The following SLX4IP variants were observed in gnomAD, a reference collection of about 807,000 sequenced individuals.
SLX4IP encodes protein SLX4IP.
A neutral mutation model predicts 32.9 loss-of-function variants in SLX4IP; 34 were observed. The observed-to-expected ratio is 1.03, with a 90% CI of 0.79 to 1.38. The LOEUF (loss-of-function observed/expected upper bound fraction) is 1.38. Ranked by LOEUF, SLX4IP falls within the 40% of genes most tolerant of loss-of-function variation. The probability of loss-of-function intolerance (pLI) is 0.00; values close to 1 mark genes in which losing one functional copy is unlikely to be tolerated. For synonymous variants in SLX4IP, 172 were observed against 171.7 expected (o/e 1.00, Z -0.01); for missense variants, 444 against 479.0 (o/e 0.93, Z 0.68).
At chr20:10,561,014 T>C (rs919226120) in intron 4 of SLX4IP, among the ~76,000 whole-genome samples, 194 bp downstream of exon 4, 4 of 152,182 alleles carry the variant, frequency 2.6e-5, no homozygotes, top group Non-Finnish European at 5.9e-5. Flanking sequence ...GTAGGCAAAA[T>C]GTATAAAAAT....
chr20:10,479,918 C>A (rs1279012260), intron 2 of SLX4IP, among the ~76,000 whole-genome samples: 4 of 151,878 alleles, frequency 2.6e-5, no homozygotes, highest in Admixed American at 6.5e-5. Context: ...GCAGGAGAAT[C>A]CCTTGAACCA....
intron 4 of SLX4IP, among the ~76,000 whole-genome samples, chr20:10,568,716 A>G (rs980331943): frequency 6.6e-6 from 1 of 152,228 alleles, no homozygotes; most frequent in African/African-American, 2.4e-5. Context: ...CCTAGCCCAT[A>G]ATTACTGTAA....
At position 10,583,488 on chromosome 20, in the gene SLX4IP, A is replaced by G. The variant is rs1451682524; in HGVS notation, c.239-15187A>G. On this transcript the variant is annotated intron_variant, in intron 4 of 7. Transcript: ENST00000334534. ...TTTTTTCTATCTGTTTATTTAAGAA[A>G]GCGGGTCAAATGTCCTCTGGAATTT... Among the ~76,000 whole-genome samples the G allele has an allele frequency of 2.6e-5, 4 of 152,294 alleles. No individual in the cohort carries two copies. In the East Asian group the frequency reaches 7.7e-4, roughly 29 times the overall value.
chr20:10,531,390 A>G (rs1001748079), intron 2 of SLX4IP, among the ~76,000 whole-genome samples: 1 of 152,172 alleles, frequency 6.6e-6, no homozygotes, highest in African/African-American at 2.4e-5. Flanking sequence ...CTATGGTCTT[A>G]TTTGTCTTTG....
At chr20:10,436,938 TTG>T (rs1300253057) in intron 1 of SLX4IP, among the ~76,000 whole-genome samples, 1 of 151,852 alleles carries the variant, frequency 6.6e-6, no homozygotes, top group Non-Finnish European at 1.5e-5. Context: ...TTTTTAAAAG[TTG>T]TTTACTGTGC....
intron 2 of SLX4IP, among the ~76,000 whole-genome samples, chr20:10,540,916 C>T (rs1410964806): frequency 1.3e-5 from 2 of 152,180 alleles, no homozygotes; most frequent in Non-Finnish European, 1.5e-5. Context: ...TCCCTTTGAA[C>T]TCTTACTCAT....
At chr20:10,467,473 T>A (rs1030105160) in intron 2 of SLX4IP, among the ~76,000 whole-genome samples, 4 of 152,218 alleles carry the variant, frequency 2.6e-5, no homozygotes, top group African/African-American at 7.2e-5. Flanking sequence ...TACCTCTATA[T>A]TTCTTCTCCT....
intron 4 of SLX4IP, among the ~76,000 whole-genome samples, chr20:10,587,964 G>A (rs2066664107): frequency 6.6e-6 from 1 of 151,978 alleles, no homozygotes; most frequent in Non-Finnish European, 1.5e-5. Flanking sequence ...GACCCCAAAA[G>A]ACAGGTAACA....
At position 10,613,506 on chromosome 20, in the gene SLX4IP, A is replaced by G; in HGVS notation, c.406-7808A>G. 6.8e-6 allele frequency: 11 copies of G among 1,607,002 alleles called. 1 individual carries two copies. The highest frequency in any genetic ancestry group is 6.6e-5 in the South Asian group (6 of 90,882). On this transcript the variant is annotated intron_variant, in intron 6 of 7. Coordinates refer to ENST00000334534, the MANE Select transcript of SLX4IP (RefSeq NM_001009608.3). The stretch of plus-strand genomic sequence containing the variant: ...GGAAGATTTGCAGTACTTTGCTTCC[A>G]TCTGAGCCAGAAAATTGTCCATTTC...
intron 1 of SLX4IP, among the ~76,000 whole-genome samples, chr20:10,453,424 T>C (rs1269447182): frequency 6.6e-6 from 1 of 152,068 alleles, no homozygotes; most frequent in Non-Finnish European, 1.5e-5. Context: ...CATGGAGGCC[T>C]CCTTTCACCA....
intron 5 of SLX4IP, 110 bp from the exon 6 acceptor site, chr20:10,601,621 A>C: frequency 2.5e-6 from 2 of 807,626 alleles, no homozygotes; most frequent in Admixed American, 4.3e-5. Flanking sequence ...CGTATGTTTT[A>C]TATGGATGTG....
Position 10,610,160 on chromosome 20 carries a change from C to T in SLX4IP, c.405+8341C>T, listed in dbSNP as rs548972471. 3.9e-5 allele frequency among the ~76,000 whole-genome samples: 6 copies of T among 152,174 alleles called. No homozygotes were observed. In the South Asian group the frequency reaches 8.3e-4, roughly 21 times the overall value. ...GTTCTTGAGGGTAGGTGAATGTAAACTGGAAAATCCCTGTGAAATGTATAC... is the reference window on the plus strand; with the variant it reads ...GTTCTTGAGGGTAGGTGAATGTAAATTGGAAAATCCCTGTGAAATGTATAC... On this transcript the variant is annotated intron_variant, in intron 6 of 7. Transcript: ENST00000334534.
At chr20:10,621,770 C>T (rs2067114925) in intron 7 of SLX4IP, among the ~76,000 whole-genome samples, 1 of 152,138 alleles carries the variant, frequency 6.6e-6, no homozygotes, top group Admixed American at 6.5e-5. Context: ...AATCCTCATG[C>T]TCCTGGTGTC....
At chr20:10,589,423 T>A (rs1416427064) in intron 4 of SLX4IP, among the ~76,000 whole-genome samples, 4 of 152,132 alleles carry the variant, frequency 2.6e-5, no homozygotes, top group African/African-American at 9.7e-5. Flanking sequence ...GTACTCCTGA[T>A]GAAGAAGAAA....
At chr20:10,479,262 A>G (rs1267268071) in intron 2 of SLX4IP, among the ~76,000 whole-genome samples, 1 of 152,164 alleles carries the variant, frequency 6.6e-6, no homozygotes, top group Non-Finnish European at 1.5e-5. Context: ...CTAGGGTCTT[A>G]GTATACTTCT....
intron 2 of SLX4IP, among the ~76,000 whole-genome samples, chr20:10,552,230 T>C (rs1468260484): frequency 6.6e-6 from 1 of 152,110 alleles, no homozygotes; most frequent in Non-Finnish European, 1.5e-5. Context: ...TGGCTTGGCC[T>C]CTGCAGAGTG....
intron 4 of SLX4IP, among the ~76,000 whole-genome samples, chr20:10,565,741 T>C (rs2066385295): frequency 6.6e-6 from 1 of 152,216 alleles, no homozygotes; most frequent in Non-Finnish European, 1.5e-5. Context: ...CCTTCTTCCA[T>C]GAGCTTCTAA....
At chr20:10,576,868 A>T (rs1000192304) in intron 4 of SLX4IP, among the ~76,000 whole-genome samples, 1 of 152,214 alleles carries the variant, frequency 6.6e-6, no homozygotes, top group Non-Finnish European at 1.5e-5. Context: ...ATTTTACTTA[A>T]TTGCAACCAG....
At chr20:10,617,165 G>A (rs1940651221) in intron 6 of SLX4IP, among the ~76,000 whole-genome samples, 1 of 152,196 alleles carries the variant, frequency 6.6e-6, no homozygotes, top group Non-Finnish European at 1.5e-5. Context: ...ACCACACTTT[G>A]CAAAAGGCTG....
Sources: gnomAD v4.1 joint callset for allele counts (sites outside exome capture counted in the v4.1 genomes callset) on GRCh38, gnomAD v4.1.1 for gene constraint, MANE v1.5 for transcripts, NCBI Gene and HGNC (gene_info 2026-07-23, HGNC 2026-07-21) for gene names.